Variants in VPS8 observed in about 807,000 individuals in gnomAD.
VPS8 encodes the protein VPS8 subunit of CORVET complex, also known as vacuolar protein sorting-associated protein 8 homolog.
In VPS8, 129 loss-of-function variants were observed where a neutral mutation model predicts 216.4. The observed-to-expected ratio is 0.60, with a 90% confidence interval of 0.52 to 0.69. The LOEUF (loss-of-function observed/expected upper bound fraction) is 0.69. Among genes scored for constraint, VPS8 ranks in the 30% least tolerant of loss-of-function variants. The pLI, the probability that VPS8 is intolerant of heterozygous loss-of-function variation, is 0.00. For synonymous variants in VPS8, 571 were observed against 565.4 expected (o/e 1.01, Z -0.14); for missense variants, 1,531 against 1,683.5 (o/e 0.91, Z 1.59).
At chr3:184,823,170 T>C (rs1176766323) in intron 1 of VPS8, among the ~76,000 whole-genome samples, 1 of 152,200 alleles carries the variant, frequency 6.6e-6, no homozygotes, top group Non-Finnish European at 1.5e-5. Context: ...TCAGTGAATT[T>C]TTAGCATATT....
At chr3:184,972,077 CAAA>C (rs56869818) in intron 40 of VPS8, among the ~76,000 whole-genome samples, 8 of 139,402 alleles carry the variant, frequency 5.7e-5, no homozygotes, top group Non-Finnish European at 6.2e-5. Context: ...AACTCCATCT[CAAA>C]AAAAAAAAAA....
At chr3:184,883,624 C>A (rs1730657344) in intron 21 of VPS8, among the ~76,000 whole-genome samples, 2 of 152,052 alleles carry the variant, frequency 1.3e-5, no homozygotes, top group Non-Finnish European at 2.9e-5. Context: ...TTTAGTCCAC[C>A]ATTTTTTTTC....
chr3:184,874,771 G>A (rs183014089), intron 21 of VPS8, among the ~76,000 whole-genome samples: 1 of 152,128 alleles, frequency 6.6e-6, no homozygotes, highest in African/African-American at 2.4e-5. Context: ...AACTGAGATG[G>A]TGGAAGGTTT....
rs1737400727 is a variant in VPS8, at chr3:184,915,544, G to A, written c.2382+70G>A. Reference sequence around the variant, plus strand: ...CAATAATTTTTTGGCGGGGTGTGGTGGCTCACCCCTGTAATCCCAACACTT... The same window carrying A: ...CAATAATTTTTTGGCGGGGTGTGGTAGCTCACCCCTGTAATCCCAACACTT... On this transcript the variant is annotated intron_variant, in intron 28 of 47. Transcript: ENST00000625842. 3 of 1,518,130 alleles carry A rather than the reference G, an allele frequency of 2.0e-6. 1 individual carries two copies. Among genetic ancestry groups the A allele is most frequent in the Non-Finnish European group, 2.7e-6 (3 of 1,113,944 alleles). 94.0% of individuals were successfully genotyped at this position (1,518,130 alleles called of 1,614,324 possible).
intron 30 of VPS8, among the ~76,000 whole-genome samples, chr3:184,925,762 TTCTC>T (rs1295035323): frequency 3.7e-4 from 56 of 151,472 alleles, no homozygotes; most frequent in African/African-American, 9.5e-4. Flanking sequence ...TATGTTTCTT[TTCTC>T]TCTCTATTTT....
chr3:184,848,132 G>A (rs1462215616), intron 8 of VPS8, among the ~76,000 whole-genome samples: 3 of 151,984 alleles, frequency 2.0e-5, no homozygotes, highest in South Asian at 2.1e-4. Context: ...GGCTGGTCTC[G>A]AACTCCTAAC....
At chr3:184,946,451 G>A (rs576785598) in intron 36 of VPS8, among the ~76,000 whole-genome samples, 2 of 152,334 alleles carry the variant, frequency 1.3e-5, no homozygotes, top group African/African-American at 4.8e-5. Context: ...TTCTCTCACC[G>A]TCATCATCTT....
intron 34 of VPS8, among the ~76,000 whole-genome samples, chr3:184,934,446 C>T (rs1741244464): frequency 6.6e-6 from 1 of 152,136 alleles, no homozygotes; most frequent in South Asian, 2.1e-4. Flanking sequence ...GCTAGGATTA[C>T]AAGCATGAGC....
intron 3 of VPS8, among the ~76,000 whole-genome samples, chr3:184,827,747 A>C (rs1719098320): frequency 6.6e-6 from 1 of 152,238 alleles, no homozygotes; most frequent in South Asian, 2.1e-4. Context: ...TACTAAGAAG[A>C]TAACACTGTT....
intron 36 of VPS8, 32 bp from the exon 37 acceptor site, chr3:184,957,342 T>C (rs1308972009): frequency 6.3e-7 from 1 of 1,577,084 alleles, no homozygotes; most frequent in African/African-American, 1.4e-5. Flanking sequence ...AATGCTACAA[T>C]TGAGTGTTCT....
chr3:184,938,351 TG>T (rs1742008824), intron 35 of VPS8, among the ~76,000 whole-genome samples: 1 of 152,224 alleles, frequency 6.6e-6, no homozygotes, highest in African/African-American at 2.4e-5. Context: ...AACATGTAAG[TG>T]TGATCCTGCT....
chr3:184,913,606 A>G (rs774354554), intron 26 of VPS8, 45 bp downstream of exon 26: 37 of 1,463,562 alleles, frequency 2.5e-5, no homozygotes, highest in Non-Finnish European at 3.4e-5. Context: ...TTCTTTCTAT[A>G]TTTTTCCTAT....
At chr3:184,918,654 A>T (rs1006531546) in intron 28 of VPS8, among the ~76,000 whole-genome samples, 1 of 152,222 alleles carries the variant, frequency 6.6e-6, no homozygotes. Flanking sequence ...GGTGAAGGAA[A>T]TTCTTTTTTA....
chr3:184,839,264 A>T, intron 6 of VPS8: 1 of 176,712 alleles, frequency 5.7e-6, no homozygotes, highest in Non-Finnish European at 1.2e-5. Flanking sequence ...TTGGTAAGGA[A>T]GTGGGTGAGT....
At chr3:185,008,581 G>A (rs141949576) in intron 45 of VPS8, among the ~76,000 whole-genome samples, 154 of 152,158 alleles carry the variant, frequency 1.0e-3, no homozygotes, top group Non-Finnish European at 2.0e-3. Context: ...ACGTTAGGTG[G>A]TTAGGGAATC....
At chr3:184,924,643 G>A (rs1018210613) in intron 29 of VPS8, among the ~76,000 whole-genome samples, 6 of 152,134 alleles carry the variant, frequency 3.9e-5, no homozygotes, top group African/African-American at 1.4e-4. Flanking sequence ...TCCGAATTGT[G>A]ATAGAAATAG....
intron 40 of VPS8, among the ~76,000 whole-genome samples, 181 bp downstream of exon 40, chr3:184,971,933 G>A (rs375145084): frequency 1.3e-5 from 2 of 152,070 alleles, no homozygotes; most frequent in Non-Finnish European, 2.9e-5. Flanking sequence ...AAAATTAGCC[G>A]GGCGTGGTGG....
intron 46 of VPS8, among the ~76,000 whole-genome samples, chr3:185,033,274 T>C (rs981906324): frequency 6.6e-6 from 1 of 152,258 alleles, no homozygotes; most frequent in African/African-American, 2.4e-5. Context: ...CAAATCCCTG[T>C]GCTCCACCTA....
At chr3:184,843,377 T>C (rs1416311305) in intron 8 of VPS8, 132 bp downstream of exon 8, 3 of 544,712 alleles carry the variant, frequency 5.5e-6, no homozygotes. Context: ...AATTGAAAAA[T>C]TAGTTAAGTG....
Sources: gnomAD v4.1 joint callset for allele counts (sites outside exome capture counted in the v4.1 genomes callset) on GRCh38, gnomAD v4.1.1 for gene constraint, MANE v1.5 for transcripts, NCBI Gene and HGNC (gene_info 2026-07-23, HGNC 2026-07-21) for gene names.